TRIM17: variants seen among roughly 807,000 people sequenced by gnomAD.
TRIM17 encodes E3 ubiquitin-protein ligase TRIM17.
Under a neutral mutation model 35.8 loss-of-function variants are expected in TRIM17, and 27 were observed. That is an observed-to-expected ratio of 0.75 (90% confidence interval 0.56 to 1.04). TRIM17 has a LOEUF of 1.04. Ranked by LOEUF, TRIM17 falls within the 50% of genes least tolerant of loss-of-function variation. TRIM17 has a pLI of 0.00. For missense variants in TRIM17, 582 were observed against 612.8 expected, an observed-to-expected ratio of 0.95 and a Z score of 0.53; for synonymous variants, 246 against 252.6, an observed-to-expected ratio of 0.97 and a Z score of 0.25.
Position 228,408,530 on chromosome 1 carries a change from C to A in TRIM17, c.1105G>T (p.Val369Leu). The stretch of plus-strand genomic sequence containing the variant: ...TTCCGGCTCACGTTGTCCCTGCACA[C>A]ACCCAGGGCCCACAACGCGTCCCCG... Reference protein sequence around the residue: ...ITGDALWALGVCRDNVSRKDR... With the variant: ...ITGDALWALGLCRDNVSRKDR... Residue 369 changes from valine (V) to leucine (L), a missense_variant, in exon 7 of 7, where the codon GTG (valine) becomes TTG (leucine). Coordinates refer to ENST00000366698, the MANE Select transcript of TRIM17 (RefSeq NM_016102.4). This position sits in a 1 kb window ranked among gnomAD's most constrained non-coding sequence, Gnocchi z 6.3. 1 of 1,614,142 alleles carries A rather than the reference C, an allele frequency of 6.2e-7. No homozygotes were observed. Among genetic ancestry groups the A allele is most frequent in the South Asian group, 1.1e-5 (1 of 91,082 alleles).
rs751734717 is a variant in TRIM17 at position 228,410,922 on chromosome 1, T to C, written c.756+24A>G. On this transcript the variant is annotated intron_variant, in intron 4 of 6. Coordinates refer to ENST00000366698, the MANE Select transcript of TRIM17 (RefSeq NM_016102.4). This position sits in a 1 kb window ranked among gnomAD's most constrained non-coding sequence, Gnocchi z 4.6. ...GCCTGTCAGAGCTCACATCCCACCC[T>C]GCCTGCCAAGCCTACTGGCTCACCT... is the stretch of plus-strand genomic sequence containing the variant. 6.8e-7 allele frequency: 1 copy of C among 1,476,962 alleles called. No homozygotes were observed. Among genetic ancestry groups the C allele is most frequent in the Non-Finnish European group, 9.0e-7 (1 of 1,109,248 alleles). The allele number at this position is 1,476,962 out of a possible 1,614,324, so 91.5% of individuals were successfully genotyped here. A position where few individuals can be genotyped will look rare whatever the true frequency, so the allele number is the denominator to read the frequency against.
chr1:228,413,410 G>A (rs892924807), intron 3 of TRIM17, among the ~76,000 whole-genome samples: 17 of 151,684 alleles, frequency 1.1e-4, no homozygotes. Flanking sequence ...CTACGCCCCT[G>A]CCCTCTGGCT....
chr1:228,408,446 T>C lies in TRIM17; in HGVS notation c.1189A>G (p.Thr397Ala). Residue 397 changes from threonine to alanine, a missense_variant, in exon 7 of 7, where the codon ACC (threonine) becomes GCC (alanine). Coordinates refer to ENST00000366698, the MANE Select transcript of TRIM17 (RefSeq NM_016102.4). The surrounding 1 kb of genome is among the most constrained non-coding windows in gnomAD (Gnocchi z 6.3). ...GCAGAGAAGGTGGATAAGTACTTGG[T>C]CCCCTTGGACAGCTGCACCACCCAG... ...GFWVVQLSKG[T>A]KYLSTFSALT... is the part of the protein sequence containing the mutation. 1.2e-6 allele frequency: 2 copies of C among 1,614,126 alleles called. No homozygotes were observed. The highest frequency in any genetic ancestry group is 1.1e-5 in the South Asian group (1 of 91,082).
At chr1:228,412,756 C>T (rs564587652) in intron 3 of TRIM17, among the ~76,000 whole-genome samples, 7 of 151,622 alleles carry the variant, frequency 4.6e-5, no homozygotes, top group South Asian at 2.1e-4. Flanking sequence ...GGCCACAGAG[C>T]GACTCTGACT....
rs1175830810 is a variant in TRIM17 at position 228,408,074 on chromosome 1, A to G, written c.*127T>C. On this transcript the variant is annotated 3_prime_UTR_variant, in exon 7 of 7. Coordinates refer to ENST00000366698, the MANE Select transcript of TRIM17 (RefSeq NM_016102.4). The surrounding 1 kb of genome is among the most constrained non-coding windows in gnomAD (Gnocchi z 6.3). ...ATCACAATTATATTTAGAATTTGAGAAACCCCCCTGTGTGTCTAATGGCTG... is the reference window on the plus strand; with the variant it reads ...ATCACAATTATATTTAGAATTTGAGGAACCCCCCTGTGTGTCTAATGGCTG... 7 of 836,638 alleles carry G rather than the reference A, an allele frequency of 8.4e-6. No homozygotes were observed. The highest frequency in any genetic ancestry group is 1.3e-5 in the Non-Finnish European group (7 of 548,804). 51.8% of individuals were successfully genotyped at this position (836,638 alleles called of 1,614,324 possible). A position where few individuals can be genotyped will look rare whatever the true frequency, so the allele number is the denominator to read the frequency against.
In TRIM17 at chr1:228,408,335, C is replaced by T. The variant is rs145111971; in HGVS notation, c.1300G>A (p.Val434Ile). 2.0e-4 allele frequency: 317 copies of T among 1,613,922 alleles called. No individual in the cohort carries two copies. The African/African-American group carries it at 3.9e-3, about 20-fold the overall frequency. ...FEAGEVSFYS[V>I]SDGSHLHTYS... ...GTGTGCAGGTGGGACCCATCGCTTA[C>T]ACTGTAGAAGGACACTTCCCCGGCT... Residue 434 changes from valine to isoleucine, a missense_variant, in exon 7 of 7, where the codon GTA (valine) becomes ATA (isoleucine). Transcript: ENST00000366698. The surrounding 1 kb of genome is among the most constrained non-coding windows in gnomAD (Gnocchi z 6.3).
At chr1:228,415,137 C>A in intron 1 of TRIM17, 24 bp from the exon 2 acceptor site, 1 of 1,520,390 alleles carries the variant, frequency 6.6e-7, no homozygotes, top group Non-Finnish European at 8.8e-7. Context: ...GAGGGAGCAG[C>A]CCGATGATCT....
At chr1:228,412,377 G>A (rs181373082) in intron 3 of TRIM17, among the ~76,000 whole-genome samples, 1 of 152,144 alleles carries the variant, frequency 6.6e-6, no homozygotes, top group Non-Finnish European at 1.5e-5. Context: ...CCCTGCCTCC[G>A]TAGTTCATAA....
In TRIM17 at chr1:228,416,703, G is replaced by T. The variant is rs1306771070; in HGVS notation, c.-206C>A. The T allele has an allele frequency of 2.0e-5, 20 of 980,866 alleles. No individual in the cohort carries two copies. The South Asian group carries it at 2.8e-4, about 14-fold the overall frequency. The allele number at this position is 980,866 out of a possible 1,614,324, so 60.8% of individuals were successfully genotyped here. ...GGACTTTGTGGCGTCAGCGGGGGCT[G>T]GGGGGCGGCGGGGGAGGGGAATGCT... On this transcript the variant is annotated 5_prime_UTR_variant, in exon 1 of 7. Transcript: ENST00000366698.
At position 228,410,062 on chromosome 1, in the gene TRIM17, T is replaced by C. The variant is rs1043396647; in HGVS notation, c.757-651A>G. 1.3e-5 allele frequency among the ~76,000 whole-genome samples: 2 copies of C among 151,744 alleles called. No homozygotes were observed. The highest frequency in any genetic ancestry group is 4.8e-5 in the African/African-American group (2 of 41,294). On this transcript the variant is annotated intron_variant, in intron 4 of 6. Coordinates refer to ENST00000366698, the MANE Select transcript of TRIM17 (RefSeq NM_016102.4). This position sits in a 1 kb window ranked among gnomAD's most constrained non-coding sequence, Gnocchi z 4.6. Reference sequence around the variant, plus strand: ...TTCCCTCAGTTGGTCAGCAAACCAATGTAGTGGGTTGTGAACAGGCTGCTT... The same window carrying C: ...TTCCCTCAGTTGGTCAGCAAACCAACGTAGTGGGTTGTGAACAGGCTGCTT...
chr1:228,414,590 TC>T, intron 2 of TRIM17, 53 bp downstream of exon 2: 1 of 1,491,092 alleles, frequency 6.7e-7, no homozygotes, highest in Non-Finnish European at 9.3e-7. Context: ...GGTCACCTTG[TC>T]CCCCTGGATG....
At position 228,411,251 on chromosome 1, in the gene TRIM17, G is replaced by A; in HGVS notation, c.526-75C>T. On this transcript the variant is annotated intron_variant, in intron 3 of 6. Coordinates refer to ENST00000366698, the MANE Select transcript of TRIM17 (RefSeq NM_016102.4). This position sits in a 1 kb window ranked among gnomAD's most constrained non-coding sequence, Gnocchi z 4.2. ...AGGGATGCTGGCACCTCTCCCCAGG[G>A]CCCTGGTGACCCACAAGATCACCAG... is the stretch of plus-strand genomic sequence containing the variant. 7.7e-7 allele frequency: 1 copy of A among 1,290,716 alleles called. No homozygotes were observed. Among genetic ancestry groups the A allele is most frequent in the Admixed American group, 2.2e-5 (1 of 44,568 alleles). 80.0% of individuals were successfully genotyped at this position (1,290,716 alleles called of 1,614,324 possible).
In TRIM17 at chr1:228,408,219, G is replaced by T; in HGVS notation, c.1416C>A (p.Thr472=). The change falls in exon 7 of 7, where the codon ACC becomes ACA. Residue 472 remains threonine (T), a synonymous_variant. Transcript: ENST00000366698. This position sits in a 1 kb window ranked among gnomAD's most constrained non-coding sequence, Gnocchi z 6.3. ...KSGQMVISTV[T]MWVKG The stretch of plus-strand genomic sequence containing the variant: ...TCTGTGTCTATCCTTTCACCCACAT[G>T]GTCACTGTGGAGATGACCATCTGAC... 9 of 1,532,456 alleles carry T rather than the reference G, an allele frequency of 5.9e-6. No homozygotes were observed. The highest frequency in any genetic ancestry group is 7.9e-6 in the Non-Finnish European group (9 of 1,140,888). 94.9% of individuals were successfully genotyped at this position (1,532,456 alleles called of 1,614,324 possible).
In TRIM17 at chr1:228,416,718, A is replaced by AGGGGGGGGGGGGGGGGT; in HGVS notation, c.-222_-221insACCCCCCCCCCCCCCCC. On this transcript the variant is annotated 5_prime_UTR_variant, in exon 1 of 7. Coordinates refer to ENST00000366698, the MANE Select transcript of TRIM17 (RefSeq NM_016102.4). Reference sequence around the variant, plus strand: ...AGCGGGGGCTGGGGGGCGGCGGGGGAGGGGAATGCTGGGCGAGGGAGTGTT... The same window carrying AGGGGGGGGGGGGGGGGT: ...AGCGGGGGCTGGGGGGCGGCGGGGGAGGGGGGGGGGGGGGGGTGGGGAATGCTGGGCGAGGGAGTGTT... The AGGGGGGGGGGGGGGGGT allele has an allele frequency of 3.7e-6, 1 of 267,942 alleles. No individual in the cohort carries two copies. Among genetic ancestry groups the AGGGGGGGGGGGGGGGGT allele is most frequent in the Non-Finnish European group, 4.3e-6 (1 of 231,370 alleles). 16.6% of individuals were successfully genotyped at this position (267,942 alleles called of 1,614,324 possible). A position where few individuals can be genotyped will look rare whatever the true frequency, so the allele number is the denominator to read the frequency against.
intron 1 of TRIM17, chr1:228,415,350 T>G: frequency 5.4e-6 from 2 of 371,730 alleles, no homozygotes; most frequent in Non-Finnish European, 4.9e-6. Flanking sequence ...GCCTGGACCC[T>G]ACCCGTCCAC....
Position 228,407,960 on chromosome 1 carries a change from G to A in TRIM17, c.*241C>T, listed in dbSNP as rs1297348248. 1 of 349,590 alleles carries A rather than the reference G, an allele frequency of 2.9e-6. No individual in the cohort carries two copies. Among genetic ancestry groups the A allele is most frequent in the Non-Finnish European group, 5.1e-6 (1 of 195,934 alleles). The allele number at this position is 349,590 out of a possible 1,614,324, so 21.7% of individuals were successfully genotyped here. A position where few individuals can be genotyped will look rare whatever the true frequency, so the allele number is the denominator to read the frequency against. On this transcript the variant is annotated 3_prime_UTR_variant, in exon 7 of 7. Coordinates refer to ENST00000366698, the MANE Select transcript of TRIM17 (RefSeq NM_016102.4). ...TTCCTGGTGTGTAGGTATGGATTTA[G>A]AAATCGGTCCACTCAGAACGCAGGG... is the stretch of plus-strand genomic sequence containing the variant.
chr1:228,409,502 A>G, intron 4 of TRIM17, 91 bp from the exon 5 acceptor site: 2 of 1,323,216 alleles, frequency 1.5e-6, no homozygotes. Flanking sequence ...GTCTTAGGGC[A>G]AGACCCATCC....
rs1398441920 is a variant in TRIM17, at chr1:228,408,244, C to T, written c.1391G>A (p.Gly464Asp). 6 of 1,562,782 alleles carry T rather than the reference C, an allele frequency of 3.8e-6. No homozygotes were observed. In the Admixed American group the frequency reaches 1.1e-4, roughly 29 times the overall value. ...PFFCLGAPKS[G>D]QMVISTVTMW... ...GGTCACTGTGGAGATGACCATCTGA[C>T]CAGACTTCGGAGCCCCCAGGCAGAA... Residue 464 changes from glycine to aspartate, a missense_variant, in exon 7 of 7, where the codon GGT becomes GAT. Coordinates refer to ENST00000366698, the MANE Select transcript of TRIM17 (RefSeq NM_016102.4). This position sits in a 1 kb window ranked among gnomAD's most constrained non-coding sequence, Gnocchi z 6.3.
chr1:228,413,197 G>C (rs1017039834), intron 3 of TRIM17, among the ~76,000 whole-genome samples: 1 of 134,222 alleles, frequency 7.5e-6, no homozygotes, highest in Non-Finnish European at 1.5e-5. Context: ...GGCAACAAGA[G>C]TGAAACTCCA....
Sources: allele counts gnomAD v4.1 joint callset (sites outside exome capture counted in the v4.1 genomes callset), GRCh38; gene constraint gnomAD v4.1.1; non-coding constraint Gnocchi (gnomAD v3.1); transcripts MANE v1.5; gene names NCBI Gene and HGNC (gene_info 2026-07-23, HGNC 2026-07-21).